Variants in CDH20 observed in about 807,000 individuals in gnomAD.
The protein encoded by CDH20 is cadherin 20, also known as cadherin-20.
CDH20 carries 29 observed loss-of-function variants against 74.2 expected under a neutral mutation model. The ratio of observed to expected loss-of-function variants is 0.39; its 90% CI spans 0.29 to 0.53. The LOEUF (loss-of-function observed/expected upper bound fraction) is 0.53, where lower values mean the gene tolerates loss of function less well. CDH20 is among the 20% of genes least tolerant of loss of function. The probability of loss-of-function intolerance (pLI) is 0.69; values close to 1 mark genes in which losing one functional copy is unlikely to be tolerated. For synonymous variants in CDH20, 469 were observed against 405.4 expected, an observed-to-expected ratio of 1.16 and a Z score of -1.88; for missense variants, 988 against 1,048.3, an observed-to-expected ratio of 0.94 and a Z score of 0.79.
At chr18:61,480,857 A>C (rs995041246) in intron 1 of CDH20, among the ~76,000 whole-genome samples, 3 of 152,256 alleles carry the variant, frequency 2.0e-5, no homozygotes, top group Non-Finnish European at 4.4e-5. Flanking sequence ...TTGTCTGCTC[A>C]AGAACAAAAA....
Position 61,520,454 on chromosome 18 carries a change from C to A in CDH20, c.1018-7513C>A, listed in dbSNP as rs1233872884. On this transcript the variant is annotated intron_variant, in intron 6 of 11. Coordinates refer to ENST00000262717, the MANE Select transcript of CDH20 (RefSeq NM_031891.4). ...ATTCATAAAGCAAGTTCTTAGAGAC[C>A]TACAAAGAGACTTAGACTCCCACAC... Among the ~76,000 whole-genome samples, 3 of 151,010 alleles carry A rather than the reference C, an allele frequency of 2.0e-5. 1 individual carries two copies. The highest frequency in any genetic ancestry group is 4.9e-5 in the African/African-American group (2 of 40,544).
At chr18:61,336,643 G>A (rs1909768679) in intron 1 of CDH20, among the ~76,000 whole-genome samples, 1 of 152,142 alleles carries the variant, frequency 6.6e-6, no homozygotes, top group African/African-American at 2.4e-5. Flanking sequence ...CCATAAACCA[G>A]TAGTTGTATT....
intron 1 of CDH20, among the ~76,000 whole-genome samples, chr18:61,435,268 G>C (rs555932660): frequency 1.3e-5 from 2 of 152,230 alleles, no homozygotes; most frequent in East Asian, 3.9e-4. Context: ...ACTGCCTCTA[G>C]TGGTACCACT....
chr18:61,550,846 G>A (rs1438819729), intron 11 of CDH20, among the ~76,000 whole-genome samples: 1 of 152,184 alleles, frequency 6.6e-6, no homozygotes, highest in East Asian at 1.9e-4. Context: ...CTTCAAACAG[G>A]GTAGTCAGGG....
At chr18:61,387,320 G>A (rs1489151767) in intron 1 of CDH20, among the ~76,000 whole-genome samples, 2 of 152,178 alleles carry the variant, frequency 1.3e-5, no homozygotes, top group African/African-American at 4.8e-5. Flanking sequence ...GGAAGAGTGG[G>A]AAGCCAGAGG....
chr18:61,368,177 G>T (rs576968372), intron 1 of CDH20, among the ~76,000 whole-genome samples: 1 of 151,948 alleles, frequency 6.6e-6, no homozygotes, highest in East Asian at 1.9e-4. Flanking sequence ...TTTTAAGGTC[G>T]GCTGATTAAC....
At chr18:61,382,030 T>A (rs925154138) in intron 1 of CDH20, among the ~76,000 whole-genome samples, 31 of 152,280 alleles carry the variant, frequency 2.0e-4, no homozygotes, top group African/African-American at 7.2e-4. Context: ...TGGCTCTATC[T>A]CTTGCTCATC....
chr18:61,342,969 T>C (rs757046702), intron 1 of CDH20, among the ~76,000 whole-genome samples: 24 of 152,176 alleles, frequency 1.6e-4, no homozygotes, highest in Non-Finnish European at 3.4e-4. Context: ...GGGATTGCCA[T>C]GTTTATATCT....
chr18:61,383,448 G>A (rs1363263058), intron 1 of CDH20, among the ~76,000 whole-genome samples: 1 of 152,106 alleles, frequency 6.6e-6, no homozygotes, highest in Non-Finnish European at 1.5e-5. Flanking sequence ...AGGCATGGTG[G>A]CATGGGCCTG....
intron 1 of CDH20, among the ~76,000 whole-genome samples, chr18:61,346,669 T>C (rs1473136767): frequency 6.6e-6 from 1 of 152,106 alleles, no homozygotes; most frequent in African/African-American, 2.4e-5. Context: ...GTTAATTACA[T>C]AGTTTAGTTC....
At chr18:61,488,074 G>A (rs1329319939) in intron 1 of CDH20, among the ~76,000 whole-genome samples, 1 of 19,338 alleles carries the variant, frequency 5.2e-5, no homozygotes, top group South Asian at 3.1e-3. Context: ...AATAGAATAC[G>A]TACATACATA....
intron 5 of CDH20, among the ~76,000 whole-genome samples, chr18:61,506,852 C>T (rs1911581711): frequency 6.6e-6 from 1 of 152,152 alleles, no homozygotes; most frequent in Non-Finnish European, 1.5e-5. Flanking sequence ...AGCTTGCTCT[C>T]CACGGCTGCC....
chr18:61,393,728 G>A (rs1045784579), intron 1 of CDH20, among the ~76,000 whole-genome samples: 8 of 152,006 alleles, frequency 5.3e-5, no homozygotes, highest in Non-Finnish European at 7.4e-5. Flanking sequence ...GCTACTTCAC[G>A]TTCATAAGTT....
chr18:61,341,498 A>G (rs140404401), intron 1 of CDH20, among the ~76,000 whole-genome samples: 2 of 152,052 alleles, frequency 1.3e-5, no homozygotes, highest in Non-Finnish European at 2.9e-5. Context: ...ACAAACACTC[A>G]CAGGTCATTG....
chr18:61,337,055 A>T (rs1909785535), intron 1 of CDH20, among the ~76,000 whole-genome samples: 1 of 152,212 alleles, frequency 6.6e-6, no homozygotes, highest in Admixed American at 6.5e-5. Flanking sequence ...TAGACAGTTA[A>T]TTGTTCATTC....
intron 10 of CDH20, among the ~76,000 whole-genome samples, chr18:61,546,367 C>T (rs112846742): frequency 0.014 from 2,173 of 152,274 alleles, 57 homozygotes; most frequent in African/African-American, 0.049. Flanking sequence ...AAGCATTCTT[C>T]TAAGTCATCC....
rs8096835 is a variant in CDH20 at position 61,387,153 on chromosome 18, C to T, written c.-153+53326C>T. On this transcript the variant is annotated intron_variant, in intron 1 of 11. Coordinates refer to ENST00000262717, the MANE Select transcript of CDH20 (RefSeq NM_031891.4). ...ATCTATTCAACCTTCACAAATAAAA[C>T]AGCTTCCATGTCATTGTTGATGTTT... 5.4e-3 allele frequency among the ~76,000 whole-genome samples: 817 copies of T among 152,270 alleles called. 11 individuals are homozygous for T. The highest frequency in any genetic ancestry group is 0.018 in the African/African-American group (766 of 41,550).
chr18:61,384,590 A>G (rs1324380427), intron 1 of CDH20, among the ~76,000 whole-genome samples: 1 of 152,234 alleles, frequency 6.6e-6, no homozygotes, highest in Non-Finnish European at 1.5e-5. Flanking sequence ...TGAGCACTAA[A>G]TAAGTATCTG....
intron 10 of CDH20, among the ~76,000 whole-genome samples, chr18:61,548,674 T>C (rs2144409760): frequency 6.6e-6 from 1 of 152,372 alleles, no homozygotes; most frequent in Middle Eastern, 3.4e-3. Flanking sequence ...CAGCCTGCTG[T>C]GGGTCTGAGC....
Sources: allele counts gnomAD v4.1 joint callset (sites outside exome capture counted in the v4.1 genomes callset), GRCh38; gene constraint gnomAD v4.1.1; transcripts MANE v1.5; gene names NCBI Gene and HGNC (gene_info 2026-07-23, HGNC 2026-07-21).